FRMPD2: variants seen among roughly 807,000 people sequenced by gnomAD.
FRMPD2 encodes the protein FERM and PDZ domain containing 2, also known as FERM and PDZ domain-containing protein 2.
FRMPD2 carries 96 observed loss-of-function variants against 140.1 expected under a neutral mutation model. The observed-to-expected ratio is 0.69, with a 90% confidence interval of 0.58 to 0.81. The LOEUF (loss-of-function observed/expected upper bound fraction) is 0.81, where lower values mean the gene tolerates loss of function less well. Ranked by LOEUF, FRMPD2 falls within the 40% of genes least tolerant of loss-of-function variation. The pLI is 0.00. For missense variants in FRMPD2, 1,240 were observed against 1,447.4 expected (o/e 0.86, Z 2.32); for synonymous variants, 449 against 547.6 (o/e 0.82, Z 2.52).
intron 4 of FRMPD2, among the ~76,000 whole-genome samples, chr10:48,243,961 A>T (rs2131953076): frequency 6.6e-6 from 1 of 152,350 alleles, no homozygotes; most frequent in South Asian, 2.1e-4. Context: ...AAAATTGTGT[A>T]AAATATTAGG....
chr10:48,242,190 C>T lies in FRMPD2; in HGVS notation c.538G>A (p.Val180Ile), dbSNP rs1840131506. The T allele has an allele frequency of 6.2e-7, 1 of 1,613,794 alleles. No individual in the cohort carries two copies. Among genetic ancestry groups the T allele is most frequent in the Non-Finnish European group, 8.5e-7 (1 of 1,179,786 alleles). ...GAAATGGTACCCAGAACCAAGCCAA[C>T]CAGCCTTCTGATGTGGAGACCAGCA... ...APAGLHIRRL[V>I]GLVLGTISEV... Residue 180 changes from valine to isoleucine, a missense_variant, in exon 5 of 29, where the codon GTT becomes ATT. Around this residue, in one of 6 missense-constraint regions of FRMPD2, gnomAD observed 1,161 missense variants for 1,055.9 expected, o/e 1.10. Coordinates refer to ENST00000374201, the MANE Select transcript of FRMPD2 (RefSeq NM_001018071.4).
At chr10:48,194,603 G>A (rs1838911551) in intron 15 of FRMPD2, among the ~76,000 whole-genome samples, 1 of 152,142 alleles carries the variant, frequency 6.6e-6, no homozygotes, top group Non-Finnish European at 1.5e-5. Context: ...TTAGAGGCAG[G>A]GGACTCACAA....
intron 12 of FRMPD2, among the ~76,000 whole-genome samples, chr10:48,212,471 G>A (rs547327117): frequency 6.6e-6 from 1 of 152,256 alleles, no homozygotes; most frequent in South Asian, 2.1e-4. Context: ...CACACCACTT[G>A]GAAGTGACAG....
chr10:48,220,032 T>G (rs1253449987), intron 12 of FRMPD2, among the ~76,000 whole-genome samples: 1 of 152,216 alleles, frequency 6.6e-6, no homozygotes, highest in Non-Finnish European at 1.5e-5. Flanking sequence ...CTTACAATGT[T>G]GCTGCAAGAG....
chr10:48,230,279 T>C (rs1191031465), intron 10 of FRMPD2, among the ~76,000 whole-genome samples: 2 of 152,224 alleles, frequency 1.3e-5, no homozygotes, highest in African/African-American at 2.4e-5. Context: ...TATGATAATA[T>C]AGTTATTTAT....
chr10:48,187,684 C>T (rs1039379020), intron 16 of FRMPD2, among the ~76,000 whole-genome samples: 4 of 152,176 alleles, frequency 2.6e-5, no homozygotes, highest in African/African-American at 9.7e-5. Context: ...TGTCAAACAC[C>T]AGCACTCTTA....
At chr10:48,206,461 G>T (rs1839200104) in intron 14 of FRMPD2, among the ~76,000 whole-genome samples, 1 of 152,170 alleles carries the variant, frequency 6.6e-6, no homozygotes, top group East Asian at 1.9e-4. Context: ...ACTTTACCCA[G>T]AAGGAAAGTG....
Position 48,270,268 on chromosome 10 carries a change from T to G in FRMPD2, c.25+4275A>C, listed in dbSNP as rs11599351. On this transcript the variant is annotated intron_variant, in intron 1 of 28. Coordinates refer to ENST00000374201, the MANE Select transcript of FRMPD2 (RefSeq NM_001018071.4). ...TTCGATGATGAGCGCTCAGTGCCCA[T>G]GAGGTGGCAATGACACTGTTCCTCT... Among the ~76,000 whole-genome samples the G allele has an allele frequency of 6.8e-3, 1,031 of 152,212 alleles. 5 individuals are homozygous for G. The highest frequency in any genetic ancestry group is 9.5e-3 in the Admixed American group (146 of 15,288).
At chr10:48,205,073 A>G (rs994440180) in intron 14 of FRMPD2, among the ~76,000 whole-genome samples, 1 of 152,218 alleles carries the variant, frequency 6.6e-6, no homozygotes, top group African/African-American at 2.4e-5. Context: ...TAATTTTCAT[A>G]TTGTTCACTG....
chr10:48,258,063 A>G (rs1202587960), intron 1 of FRMPD2, among the ~76,000 whole-genome samples: 2 of 152,220 alleles, frequency 1.3e-5, no homozygotes, highest in Non-Finnish European at 2.9e-5. Flanking sequence ...GGGACTCCCA[A>G]GGAATCGAAG....
At chr10:48,173,511 C>T (rs1170336066) in intron 24 of FRMPD2, among the ~76,000 whole-genome samples, 2 of 151,330 alleles carry the variant, frequency 1.3e-5, no homozygotes, top group Admixed American at 6.6e-5. Context: ...GCCCCCTCCC[C>T]TCCACCTCCT....
chr10:48,236,508 T>A lies in FRMPD2; in HGVS notation c.967A>T (p.Thr323Ser). 1 of 1,614,156 alleles carries A rather than the reference T, an allele frequency of 6.2e-7. No individual in the cohort carries two copies. The highest frequency in any genetic ancestry group is 8.5e-7 in the Non-Finnish European group (1 of 1,180,010). Residue 323 changes from threonine (T) to serine (S), a missense_variant, in exon 9 of 29, where the codon ACA becomes TCA. By Grantham distance (58) the Thr-to-Ser change is moderately conservative. Transcript: ENST00000374201. ...FILLAGEAPM[T>S]LHLPGSVVTK... ...ACAACCGATCCCGGCAGATGTAGTG[T>A]CATCGGGGCCTCTCCAGCCAACAGG...
rs1564435813 is a variant in FRMPD2 at position 48,238,994 on chromosome 10, TTCTC to T, written c.788+607_788+610del. Among the ~76,000 whole-genome samples the T allele has an allele frequency of 3.9e-5, 6 of 152,182 alleles. No homozygotes were observed. The South Asian group carries it at 1.2e-3, about 32-fold the overall frequency. ...CCGTCCTCTCTCCTCTCTCTCCTCT[TTCTC>T]TCTGTCTCTCTGTCTCTCTCTCTCT... On this transcript the variant is annotated intron_variant, in intron 7 of 28. Coordinates refer to ENST00000374201, the MANE Select transcript of FRMPD2 (RefSeq NM_001018071.4).
intron 1 of FRMPD2, among the ~76,000 whole-genome samples, chr10:48,256,387 A>T (rs1840490739): frequency 6.6e-6 from 1 of 152,128 alleles, no homozygotes; most frequent in Non-Finnish European, 1.5e-5. Context: ...AGAAGTAAGG[A>T]TCTCTGTTAT....
At chr10:48,164,025 G>C (rs1838025898) in intron 27 of FRMPD2, among the ~76,000 whole-genome samples, 1 of 150,992 alleles carries the variant, frequency 6.6e-6, no homozygotes, top group Non-Finnish European at 1.5e-5. Context: ...ATCTTCATCT[G>C]TCATCTCAGG....
chr10:48,245,006 C>T (rs1162891382), intron 3 of FRMPD2, among the ~76,000 whole-genome samples, 157 bp from the exon 4 acceptor site: 2 of 152,144 alleles, frequency 1.3e-5, no homozygotes, highest in South Asian at 2.1e-4. Context: ...CCTCCTACTC[C>T]GGAGGCTAGA....
Position 48,258,371 on chromosome 10 carries a change from A to G in FRMPD2, c.26-6680T>C, listed in dbSNP as rs1840524212. ...TGAGTGATGCTGACATTGCATCACT[A>G]TCACCTTCTCCACACAGACCCTTCC... On this transcript the variant is annotated intron_variant, in intron 1 of 28. Transcript: ENST00000374201. Among the ~76,000 whole-genome samples, 2 of 152,156 alleles carry G rather than the reference A, an allele frequency of 1.3e-5. 1 individual carries two copies. The highest frequency in any genetic ancestry group is 4.1e-4 in the South Asian group (2 of 4,830).
intron 11 of FRMPD2, among the ~76,000 whole-genome samples, 171 bp from the exon 12 acceptor site, chr10:48,222,622 C>G (rs1258595509): frequency 6.6e-6 from 1 of 152,210 alleles, no homozygotes; most frequent in East Asian, 1.9e-4. Context: ...TGCATTTATA[C>G]CATGCCTCCT....
intron 15 of FRMPD2, among the ~76,000 whole-genome samples, chr10:48,200,159 A>T (rs1839049462): frequency 8.3e-6 from 1 of 119,986 alleles, no homozygotes; most frequent in Non-Finnish European, 1.6e-5. Context: ...AATATAAATA[A>T]ATAAATAAAT....
Sources: gnomAD v4.1 joint callset for allele counts (sites outside exome capture counted in the v4.1 genomes callset) on GRCh38, gnomAD v4.1.1 for gene constraint, gnomAD v4.1.1 regional missense constraint, MANE v1.5 for transcripts, NCBI Gene and HGNC (gene_info 2026-07-23, HGNC 2026-07-21) for gene names.